The following CACNB2 variants were observed in gnomAD, a reference collection of about 807,000 sequenced individuals.
CACNB2 encodes voltage-dependent L-type calcium channel subunit beta-2.
A neutral mutation model predicts 73.3 loss-of-function variants in CACNB2; 42 were observed. That is an observed-to-expected ratio of 0.57 (90% CI 0.45 to 0.74). The LOEUF is 0.74. Ranked by LOEUF, CACNB2 falls within the 30% of genes least tolerant of loss-of-function variation. The pLI is 0.00. For synonymous variants in CACNB2, 348 were observed against 310.3 expected, an observed-to-expected ratio of 1.12 and a Z score of -1.28; for missense variants, 940 against 853.0, an observed-to-expected ratio of 1.10 and a Z score of -1.27.
intron 2 of CACNB2, among the ~76,000 whole-genome samples, chr10:18,292,109 CTGTT>C (rs2039089365): frequency 6.6e-6 from 1 of 152,134 alleles, no homozygotes; most frequent in Admixed American, 6.5e-5. Context: ...AACTCCAAAA[CTGTT>C]TGTGTTGAGT....
intron 2 of CACNB2, among the ~76,000 whole-genome samples, chr10:18,244,250 C>T (rs564317093): frequency 6.6e-6 from 1 of 152,276 alleles, no homozygotes; most frequent in South Asian, 2.1e-4. Context: ...CATTCTGGAA[C>T]CACAGATGTC....
At chr10:18,500,429 A>G (rs527531857) in intron 4 of CACNB2, among the ~76,000 whole-genome samples, 2 of 152,316 alleles carry the variant, frequency 1.3e-5, no homozygotes, top group South Asian at 2.1e-4. Context: ...CTTTCTCTCA[A>G]TAATTCCAAT....
chr10:18,481,066 G>A (rs1404538159), intron 3 of CACNB2, among the ~76,000 whole-genome samples: 1 of 150,692 alleles, frequency 6.6e-6, no homozygotes, highest in East Asian at 2.0e-4. Flanking sequence ...CTTCCTTGTT[G>A]GCCACAGGTG....
intron 3 of CACNB2, among the ~76,000 whole-genome samples, chr10:18,443,044 A>C (rs2046553684): frequency 1.4e-5 from 2 of 138,622 alleles, no homozygotes; most frequent in Non-Finnish European, 1.5e-5. Context: ...ATAAATAAGG[A>C]ACTTAACTAT....
intron 2 of CACNB2, chr10:18,151,253 A>T: frequency 3.0e-6 from 1 of 330,204 alleles, no homozygotes; most frequent in Non-Finnish European, 5.4e-6. Flanking sequence ...AGCAGAAATG[A>T]TTATGGATTT....
chr10:18,187,025 T>C (rs2034185295), intron 2 of CACNB2, among the ~76,000 whole-genome samples: 1 of 152,018 alleles, frequency 6.6e-6, no homozygotes, highest in Non-Finnish European at 1.5e-5. Flanking sequence ...TGACGAACCA[T>C]GGAAAGTGCT....
intron 2 of CACNB2, among the ~76,000 whole-genome samples, chr10:18,338,271 A>G (rs2041083517): frequency 6.6e-6 from 1 of 152,256 alleles, no homozygotes; most frequent in South Asian, 2.1e-4. Context: ...ACATTTCTCC[A>G]AAGAAGACAT....
chr10:18,315,107 C>T (rs573886899), intron 2 of CACNB2, among the ~76,000 whole-genome samples: 9 of 152,048 alleles, frequency 5.9e-5, no homozygotes, highest in East Asian at 1.9e-4. Context: ...CAACGCCGGC[C>T]GATGACCTGA....
intron 3 of CACNB2, among the ~76,000 whole-genome samples, chr10:18,429,933 C>T (rs1331764029): frequency 3.3e-5 from 5 of 151,576 alleles, no homozygotes; most frequent in South Asian, 2.1e-4. Context: ...GAGCTGTGAT[C>T]GCGCCACTGC....
In CACNB2 at chr10:18,259,568, A is replaced by AG. The variant is rs1564383613; in HGVS notation, c.213+108593_213+108594insG. On this transcript the variant is annotated intron_variant, in intron 2 of 13. Transcript: ENST00000324631. ...GAAAAAAAAACAAAAAACAAACAAAAAAAAAAAGTAAAAGTAGCCAGGCAT... is the reference window on the plus strand; with the variant it reads ...GAAAAAAAAACAAAAAACAAACAAAAGAAAAAAAGTAAAAGTAGCCAGGCAT... Among the ~76,000 whole-genome samples, 57 of 133,024 alleles carry AG rather than the reference A, an allele frequency of 4.3e-4. 4 individuals carry two copies. The highest frequency in any genetic ancestry group is 1.4e-3 in the African/African-American group (51 of 36,424). The allele number at this position is 133,024 out of a possible 152,430, so 87.3% of individuals were successfully genotyped here.
At chr10:18,225,581 CTTCCT>C (rs1461997379) in intron 2 of CACNB2, among the ~76,000 whole-genome samples, 2 of 12,112 alleles carry the variant, frequency 1.7e-4, no homozygotes, top group East Asian at 2.6e-3. Flanking sequence ...TCCCTCGCTC[CTTCCT>C]TCCTTCCTTC....
chr10:18,292,040 A>C (rs2039087411), intron 2 of CACNB2, among the ~76,000 whole-genome samples: 1 of 152,222 alleles, frequency 6.6e-6, no homozygotes, highest in Non-Finnish European at 1.5e-5. Context: ...CTTTGCATAC[A>C]CACACAGAAT....
intron 2 of CACNB2, among the ~76,000 whole-genome samples, chr10:18,277,210 T>G (rs1483463986): frequency 6.6e-6 from 1 of 152,126 alleles, no homozygotes; most frequent in Non-Finnish European, 1.5e-5. Flanking sequence ...AGAATCTGCA[T>G]GGAAAAGGGA....
intron 2 of CACNB2, among the ~76,000 whole-genome samples, chr10:18,370,126 T>C (rs1237552756): frequency 6.6e-6 from 1 of 152,238 alleles, no homozygotes; most frequent in African/African-American, 2.4e-5. Flanking sequence ...TGCCTGGTTA[T>C]TGAGCACTTG....
At chr10:18,358,009 G>A (rs1040476293) in intron 2 of CACNB2, among the ~76,000 whole-genome samples, 1 of 152,178 alleles carries the variant, frequency 6.6e-6, no homozygotes, top group Non-Finnish European at 1.5e-5. Context: ...GCAGTGCATG[G>A]CAAATATTTA....
intron 2 of CACNB2, among the ~76,000 whole-genome samples, chr10:18,320,346 C>T (rs1294332510): frequency 3.9e-5 from 6 of 152,070 alleles, no homozygotes; most frequent in Non-Finnish European, 8.8e-5. Flanking sequence ...CTTTGCTTTG[C>T]TTTGGTTTTG....
chr10:18,262,022 C>T (rs749888572), intron 2 of CACNB2: 2 of 518,894 alleles, frequency 3.9e-6, no homozygotes, highest in East Asian at 1.1e-4. Flanking sequence ...GATTTTCATA[C>T]TCCTTTTGCG....
intron 2 of CACNB2, among the ~76,000 whole-genome samples, chr10:18,399,121 A>C (rs2043861040): frequency 6.6e-6 from 1 of 152,076 alleles, no homozygotes; most frequent in Non-Finnish European, 1.5e-5. Context: ...TTGAGGTGTG[A>C]CTTGAACCTG....
At chr10:18,182,068 T>G (rs543096463) in intron 2 of CACNB2, 1 of 152,410 alleles carries the variant, frequency 6.6e-6, no homozygotes, top group South Asian at 2.1e-4. Flanking sequence ...AGACTATGAA[T>G]CTGAGGAGGA....
Sources: gnomAD v4.1 joint callset for allele counts (sites outside exome capture counted in the v4.1 genomes callset) on GRCh38, gnomAD v4.1.1 for gene constraint, MANE v1.5 for transcripts, NCBI Gene and HGNC (gene_info 2026-07-23, HGNC 2026-07-21) for gene names.